The following NKD1 variants were observed in gnomAD, a reference collection of about 807,000 sequenced individuals.
NKD1 encodes NKD inhibitor of Wnt signaling pathway 1, also known as protein naked cuticle homolog 1.
NKD1 carries 21 observed loss-of-function variants against 56.0 expected under a neutral mutation model. That is an observed-to-expected ratio of 0.38 (90% CI 0.27 to 0.54). The LOEUF is 0.54. Among genes scored for constraint, NKD1 ranks in the 20% least tolerant of loss-of-function variants. The probability of loss-of-function intolerance (pLI) is 0.82; values close to 1 mark genes in which losing one functional copy is unlikely to be tolerated. For synonymous variants in NKD1, 263 were observed against 265.7 expected, an observed-to-expected ratio of 0.99 and a Z score of 0.10; for missense variants, 578 against 642.7, an observed-to-expected ratio of 0.90 and a Z score of 1.09.
intron 3 of NKD1, among the ~76,000 whole-genome samples, chr16:50,600,224 C>T (rs969375730): frequency 6.6e-6 from 1 of 151,694 alleles, no homozygotes; most frequent in Non-Finnish European, 1.5e-5. Context: ...ATGAATTGTC[C>T]TTAAAAAAAC....
chr16:50,570,895 A>G (rs1960867690), intron 3 of NKD1: 1 of 985,284 alleles, frequency 1.0e-6, no homozygotes, highest in Non-Finnish European at 1.2e-6. Flanking sequence ...CAGGTATTGG[A>G]GTGATGTAGC....
At chr16:50,565,668 G>A (rs1295768656) in intron 3 of NKD1, among the ~76,000 whole-genome samples, 5 of 152,212 alleles carry the variant, frequency 3.3e-5, no homozygotes, top group African/African-American at 9.7e-5. Context: ...CAGCCTGAGC[G>A]ACAGAGCGAG....
intron 4 of NKD1, among the ~76,000 whole-genome samples, chr16:50,619,096 C>T (rs903963404): frequency 9.9e-5 from 15 of 152,146 alleles, no homozygotes; most frequent in East Asian, 5.8e-4. Flanking sequence ...AGTTTGGTTT[C>T]GACAAGCCTG....
chr16:50,633,103 G>GAACTGGGGGCGGGGGTGAT lies in NKD1; in HGVS notation c.824-88_824-70dup. ...ATTGGGGGGTAGCTCTGGTTTTGGA[G>GAACTGGGGGCGGGGGTGAT]AACTGGGGGCGGGGGTGATGTCTGG... On this transcript the variant is annotated intron_variant, in intron 9 of 9. Coordinates refer to ENST00000268459, the MANE Select transcript of NKD1 (RefSeq NM_033119.5). This position sits in a 1 kb window ranked among gnomAD's most constrained non-coding sequence, Gnocchi z 4.9. 1 of 1,256,764 alleles carries GAACTGGGGGCGGGGGTGAT rather than the reference G, an allele frequency of 8.0e-7. No individual in the cohort carries two copies. The highest frequency in any genetic ancestry group is 1.1e-6 in the Non-Finnish European group (1 of 928,534). The allele number at this position is 1,256,764 out of a possible 1,614,324, so 77.9% of individuals were successfully genotyped here. A position where few individuals can be genotyped will look rare whatever the true frequency, so the allele number is the denominator to read the frequency against.
At chr16:50,548,952 C>T in intron 2 of NKD1, 1 of 966,410 alleles carries the variant, frequency 1.0e-6, no homozygotes, top group South Asian at 4.8e-5. Flanking sequence ...TCCTGCGCTC[C>T]CACCGCTGAC....
At position 50,575,483 on chromosome 16, in the gene NKD1, T is replaced by C. The variant is rs79051742; in HGVS notation, c.192+25928T>C. 4.1e-4 allele frequency: 163 copies of C among 396,318 alleles called. 2 individuals carry two copies. The East Asian group carries it at 0.024, about 58-fold the overall frequency. 24.6% of individuals were successfully genotyped at this position (396,318 alleles called of 1,614,324 possible). A position where few individuals can be genotyped will look rare whatever the true frequency, so the allele number is the denominator to read the frequency against. ...CCTTTGACAGGTGATCTTGTGGCAA[T>C]ATTCCCCCCAGAAATAACGTGGGCC... On this transcript the variant is annotated intron_variant, in intron 3 of 9. Coordinates refer to ENST00000268459, the MANE Select transcript of NKD1 (RefSeq NM_033119.5).
At chr16:50,552,635 A>C (rs1281099236) in intron 3 of NKD1, 1 of 152,258 alleles carries the variant, frequency 6.6e-6, no homozygotes, top group African/African-American at 2.4e-5. Context: ...CACCTGTGCA[A>C]ACCATTTTGC....
chr16:50,561,813 G>C (rs1271272216), intron 3 of NKD1, among the ~76,000 whole-genome samples: 1 of 152,178 alleles, frequency 6.6e-6, no homozygotes, highest in African/African-American at 2.4e-5. Context: ...CATAAATACT[G>C]GGAAGTGGGA....
At chr16:50,616,998 G>T in intron 4 of NKD1, among the ~76,000 whole-genome samples, 1 of 152,212 alleles carries the variant, frequency 6.6e-6, no homozygotes, top group East Asian at 1.9e-4. Flanking sequence ...CTGTTGTACT[G>T]TTGAGGAGGA....
In NKD1 at chr16:50,633,529, C is replaced by G; in HGVS notation, c.1161C>G (p.Ser387Arg). The G allele has an allele frequency of 2.5e-6, 4 of 1,610,726 alleles. No homozygotes were observed. Among genetic ancestry groups the G allele is most frequent in the Non-Finnish European group, 3.4e-6 (4 of 1,178,952 alleles). Residue 387 changes from serine (S) to arginine (R), a missense_variant, in exon 10 of 10, where the codon AGC becomes AGG. Ser to Arg is a moderately radical substitution (Grantham distance 110, BLOSUM62 -1). Coordinates refer to ENST00000268459, the MANE Select transcript of NKD1 (RefSeq NM_033119.5). The surrounding 1 kb of genome is among the most constrained non-coding windows in gnomAD (Gnocchi z 4.9). ...AVSPSAHLAASPALLPSLAPL... is the reference protein window; with the variant it reads ...AVSPSAHLAARPALLPSLAPL... ...CCCCCTCCGCCCACCTGGCTGCCAG[C>G]CCGGCCCTCCTCCCCTCCCTAGCCC...
chr16:50,550,267 A>G (rs905877937), intron 3 of NKD1, among the ~76,000 whole-genome samples: 1 of 151,918 alleles, frequency 6.6e-6, no homozygotes, highest in Non-Finnish European at 1.5e-5. Flanking sequence ...GAGCTCCGGA[A>G]CTCTGCACGG....
At chr16:50,620,255 C>T (rs1295659557) in intron 4 of NKD1, among the ~76,000 whole-genome samples, 3 of 152,386 alleles carry the variant, frequency 2.0e-5, no homozygotes, top group East Asian at 3.9e-4. Context: ...GGCCCAGGCC[C>T]ACTGGGGGCA....
At chr16:50,565,981 C>G (rs1226947379) in intron 3 of NKD1, 1 of 166,570 alleles carries the variant, frequency 6.0e-6, no homozygotes. Flanking sequence ...TTTCTGCTTC[C>G]ACCCCTTGCC....
rs1057079456 is a variant in NKD1, at chr16:50,633,974, G to T, written c.*193G>T. On this transcript the variant is annotated 3_prime_UTR_variant, in exon 10 of 10. Coordinates refer to ENST00000268459, the MANE Select transcript of NKD1 (RefSeq NM_033119.5). This position sits in a 1 kb window ranked among gnomAD's most constrained non-coding sequence, Gnocchi z 4.9. Reference sequence around the variant, plus strand: ...AGAACTAAACTTTTATTTATATGTTGTGGGGACTGCATAACTAGCCCAGGA... The same window carrying T: ...AGAACTAAACTTTTATTTATATGTTTTGGGGACTGCATAACTAGCCCAGGA... 4.1e-6 allele frequency: 2 copies of T among 488,130 alleles called. No homozygotes were observed. Among genetic ancestry groups the T allele is most frequent in the African/African-American group, 4.0e-5 (2 of 49,516 alleles). The allele number at this position is 488,130 out of a possible 1,614,324, so 30.2% of individuals were successfully genotyped here.
chr16:50,573,635 C>A (rs1033647291), intron 3 of NKD1, among the ~76,000 whole-genome samples: 2 of 152,194 alleles, frequency 1.3e-5, no homozygotes, highest in African/African-American at 4.8e-5. Context: ...GCAGATGTAC[C>A]GCTTCCTGAG....
chr16:50,601,401 G>A (rs1473619132), intron 3 of NKD1, among the ~76,000 whole-genome samples: 1 of 148,704 alleles, frequency 6.7e-6, no homozygotes, highest in Non-Finnish European at 1.5e-5. Flanking sequence ...GTTAGGGTGG[G>A]CCTGCCCCAG....
intron 3 of NKD1, among the ~76,000 whole-genome samples, chr16:50,550,731 A>G (rs1960365325): frequency 6.6e-6 from 1 of 151,956 alleles, no homozygotes. Context: ...AAAGAGAACT[A>G]CAAACCTCTC....
rs138547115 is a variant in NKD1, at chr16:50,566,184, A to G, written c.192+16629A>G. On this transcript the variant is annotated intron_variant, in intron 3 of 9. Coordinates refer to ENST00000268459, the MANE Select transcript of NKD1 (RefSeq NM_033119.5). Reference sequence around the variant, plus strand: ...ATCCGTTGGGACCTTTTGGATTTCAAGCCCTTGTCAACTGTTTCATACAGT... The same window carrying G: ...ATCCGTTGGGACCTTTTGGATTTCAGGCCCTTGTCAACTGTTTCATACAGT... 3,180 of 985,360 alleles carry G rather than the reference A, an allele frequency of 3.2e-3. 4 individuals carry two copies. The highest frequency in any genetic ancestry group is 6.8e-3 in the Middle Eastern group (13 of 1,914). The allele number at this position is 985,360 out of a possible 1,614,324, so 61.0% of individuals were successfully genotyped here.
At chr16:50,610,238 A>G (rs557191818) in intron 4 of NKD1, among the ~76,000 whole-genome samples, 1 of 152,386 alleles carries the variant, frequency 6.6e-6, no homozygotes, top group Non-Finnish European at 1.5e-5. Context: ...TATGAAATTA[A>G]AAACTAATGT....
Sources: gnomAD v4.1 joint callset for allele counts (sites outside exome capture counted in the v4.1 genomes callset) on GRCh38, gnomAD v4.1.1 for gene constraint, Gnocchi (gnomAD v3.1) non-coding constraint, MANE v1.5 for transcripts, NCBI Gene and HGNC (gene_info 2026-07-23, HGNC 2026-07-21) for gene names.